ASXL2: variants seen among roughly 807,000 people sequenced by gnomAD.
ASXL2 encodes putative Polycomb group protein ASXL2.
ASXL2 carries 23 observed loss-of-function variants against 122.0 expected under a neutral mutation model. The observed-to-expected ratio is 0.19, with a 90% CI of 0.14 to 0.27. ASXL2 has a LOEUF of 0.27. Ranked by LOEUF, ASXL2 falls within the 10% of genes least tolerant of loss-of-function variation. The pLI, the probability that ASXL2 is intolerant of heterozygous loss-of-function variation, is 1.00. For synonymous variants in ASXL2, 650 were observed against 637.0 expected, an observed-to-expected ratio of 1.02 and a Z score of -0.31; for missense variants, 1,518 against 1,713.8, an observed-to-expected ratio of 0.89 and a Z score of 2.02.
chr2:25,748,958 T>C (rs187606553), intron 12 of ASXL2, among the ~76,000 whole-genome samples: 1 of 152,326 alleles, frequency 6.6e-6, no homozygotes, highest in African/African-American at 2.4e-5. Flanking sequence ...GTCCCTCAAG[T>C]AACCAGTAGT....
intron 3 of ASXL2, among the ~76,000 whole-genome samples, chr2:25,809,307 AAG>A (rs758144379): frequency 3.3e-5 from 5 of 151,518 alleles, no homozygotes; most frequent in South Asian, 4.2e-4. Flanking sequence ...AAAAAAAAAA[AAG>A]AAATAACATT....
chr2:25,831,851 A>T (rs560732348), intron 3 of ASXL2, among the ~76,000 whole-genome samples: 1 of 152,322 alleles, frequency 6.6e-6, no homozygotes, highest in South Asian at 2.1e-4. Flanking sequence ...AAGCAGAGAG[A>T]AACAACACAT....
At chr2:25,814,383 A>G (rs2089209873) in intron 3 of ASXL2, among the ~76,000 whole-genome samples, 1 of 152,248 alleles carries the variant, frequency 6.6e-6, no homozygotes, top group African/African-American at 2.4e-5. Context: ...GAAATAAGAC[A>G]TCATCTGCAT....
chr2:25,804,980 G>T lies in ASXL2; in HGVS notation c.252+1249C>A, dbSNP rs568771590. Among the ~76,000 whole-genome samples the T allele has an allele frequency of 3.3e-5, 5 of 152,320 alleles. No homozygotes were observed. In the South Asian group the frequency reaches 1.0e-3, roughly 32 times the overall value. On this transcript the variant is annotated intron_variant, in intron 4 of 12. Transcript: ENST00000435504. ...CAGGAGAATCGCTTGAACCCAGGAA[G>T]CGGAGGTTGTAGCGAACCAAGACTG...
rs561943882 is a variant in ASXL2 at position 25,799,524 on chromosome 2, C to T, written c.264G>A (p.Pro88=). The change falls in exon 5 of 13, where the codon CCG becomes CCA. Residue 88 remains proline, a synonymous_variant. Coordinates refer to ENST00000435504, the MANE Select transcript of ASXL2 (RefSeq NM_018263.6). ...MGVYTLKKDV[P]DGVKELSEGS... is the part of the protein sequence containing the mutation. The stretch of plus-strand genomic sequence containing the variant: ...CTTCTGACAGCTCTTTCACCCCATC[C>T]GGCACATCTTTCTGAAAATGTAGGC... The T allele has an allele frequency of 1.3e-5, 21 of 1,611,220 alleles. No individual in the cohort carries two copies. In the East Asian group the frequency reaches 1.8e-4, roughly 14 times the overall value.
chr2:25,781,869 G>A (rs528839024), intron 5 of ASXL2, among the ~76,000 whole-genome samples: 5 of 151,172 alleles, frequency 3.3e-5, no homozygotes, highest in African/African-American at 4.9e-5. Flanking sequence ...TTGCCATATC[G>A]GCCAGGCTGT....
chr2:25,786,998 G>C (rs1479281725), intron 5 of ASXL2, among the ~76,000 whole-genome samples: 1 of 147,780 alleles, frequency 6.8e-6, no homozygotes, highest in East Asian at 2.0e-4. Flanking sequence ...AAAAGAAAAA[G>C]AAAATTGCCA....
At chr2:25,873,646 AAAAAAAAC>A (rs1016562905) in intron 1 of ASXL2, among the ~76,000 whole-genome samples, 1 of 151,868 alleles carries the variant, frequency 6.6e-6, no homozygotes, top group African/African-American at 2.4e-5. Context: ...ATATATTAAA[AAAAAAAAC>A]AAAAAAACTA....
chr2:25,768,405 C>A (rs2088388993), intron 7 of ASXL2, among the ~76,000 whole-genome samples: 1 of 152,098 alleles, frequency 6.6e-6, no homozygotes, highest in African/African-American at 2.4e-5. Context: ...CCGAGCTCAA[C>A]CAATCCTCCC....
At chr2:25,853,040 A>G (rs952800768) in intron 1 of ASXL2, among the ~76,000 whole-genome samples, 2 of 152,218 alleles carry the variant, frequency 1.3e-5, no homozygotes, top group African/African-American at 2.4e-5. Flanking sequence ...ATGAAGTTGC[A>G]CTGAACCAGC....
intron 1 of ASXL2, among the ~76,000 whole-genome samples, chr2:25,866,045 T>A (rs956495174): frequency 2.0e-5 from 3 of 151,994 alleles, no homozygotes; most frequent in African/African-American, 7.2e-5. Flanking sequence ...CCTACTCCAT[T>A]AAATATGGAT....
chr2:25,754,026 C>T (rs568798312), intron 10 of ASXL2, among the ~76,000 whole-genome samples: 88 of 152,256 alleles, frequency 5.8e-4, no homozygotes, highest in African/African-American at 1.9e-3. Flanking sequence ...GGCATTTTTA[C>T]TATTTTAAAG....
intron 5 of ASXL2, among the ~76,000 whole-genome samples, chr2:25,793,446 A>G (rs555058941): frequency 6.6e-6 from 1 of 152,328 alleles, no homozygotes; most frequent in East Asian, 1.9e-4. Context: ...AAAAAGATAC[A>G]GACTATTAAT....
At chr2:25,752,163 G>T (rs898411970) in intron 11 of ASXL2, among the ~76,000 whole-genome samples, 4 of 152,158 alleles carry the variant, frequency 2.6e-5, no homozygotes, top group Non-Finnish European at 5.9e-5. Context: ...AGGAAAAGGA[G>T]AACTTAGTTT....
intron 5 of ASXL2, among the ~76,000 whole-genome samples, chr2:25,783,520 A>G (rs1254875419): frequency 6.6e-6 from 1 of 151,560 alleles, no homozygotes; most frequent in African/African-American, 2.4e-5. Flanking sequence ...TTTTTATTAT[A>G]AATTATTTTC....
chr2:25,790,804 T>C (rs1008642258), intron 5 of ASXL2, among the ~76,000 whole-genome samples: 4 of 145,346 alleles, frequency 2.8e-5, no homozygotes, highest in Non-Finnish European at 6.1e-5. Context: ...TTTTGTCTTT[T>C]TTTTTTTTTT....
chr2:25,743,756 G>C lies in ASXL2; in HGVS notation c.2581C>G (p.Pro861Ala), dbSNP rs761687836. The C allele has an allele frequency of 3.7e-6, 6 of 1,613,988 alleles. No individual in the cohort carries two copies. The East Asian group carries it at 1.1e-4, about 30-fold the overall frequency. ...ADGTVELKAG[P>A]SKNIPNPSAS... ...GAAGGGTTAGGTATATTCTTACTAGGACCTGCTTTGAGCTCAACTGTGCCA... is the reference window on the plus strand; with the variant it reads ...GAAGGGTTAGGTATATTCTTACTAGCACCTGCTTTGAGCTCAACTGTGCCA... Residue 861 changes from proline (P) to alanine (A), a missense_variant, in exon 13 of 13, where the codon CCT becomes GCT. Around this residue, in one of 8 missense-constraint regions of ASXL2, gnomAD observed 831 missense variants for 833.1 expected, o/e 1.00. Coordinates refer to ENST00000435504, the MANE Select transcript of ASXL2 (RefSeq NM_018263.6).
chr2:25,840,211 T>A (rs536958080), intron 2 of ASXL2, among the ~76,000 whole-genome samples: 1 of 152,094 alleles, frequency 6.6e-6, no homozygotes, highest in African/African-American at 2.4e-5. Context: ...TATAAAAAAA[T>A]AAAAAAGGAA....
At chr2:25,852,475 T>C (rs1274034466) in intron 1 of ASXL2, among the ~76,000 whole-genome samples, 2 of 152,250 alleles carry the variant, frequency 1.3e-5, no homozygotes, top group Non-Finnish European at 2.9e-5. Context: ...GTATAATCTA[T>C]ATGACTGCTA....
Sources: allele counts gnomAD v4.1 joint callset (sites outside exome capture counted in the v4.1 genomes callset), GRCh38; gene constraint gnomAD v4.1.1; regional missense constraint gnomAD v4.1.1; transcripts MANE v1.5; gene names NCBI Gene and HGNC (gene_info 2026-07-23, HGNC 2026-07-21).